Variants in AP1M1 observed in about 807,000 individuals in gnomAD.
AP1M1 encodes the protein AP-1 complex subunit mu-1.
A neutral mutation model predicts 57.1 loss-of-function variants in AP1M1; 18 were observed. The ratio of observed to expected loss-of-function variants is 0.32; its 90% CI spans 0.22 to 0.47. The LOEUF is 0.47. AP1M1 is among the 20% of genes least tolerant of loss of function. AP1M1 has a pLI of 1.00. For missense variants in AP1M1, 362 were observed against 593.5 expected, an observed-to-expected ratio of 0.61 and a Z score of 4.05; for synonymous variants, 241 against 237.9, an observed-to-expected ratio of 1.01 and a Z score of -0.12.
At position 16,208,983 on chromosome 19, in the gene AP1M1, G is replaced by A. The variant is rs45598933; in HGVS notation, c.399-47G>A. 3,901 of 1,582,484 alleles carry A rather than the reference G, an allele frequency of 2.5e-3. 11 individuals are homozygous for A. Among genetic ancestry groups the A allele is most frequent in the Non-Finnish European group, 2.9e-3 (3,345 of 1,159,084 alleles). On this transcript the variant is annotated intron_variant, in intron 4 of 11. Coordinates refer to ENST00000291439, the MANE Select transcript of AP1M1 (RefSeq NM_032493.4). ...AAATGTCAAGGCCAGAAGCTGTGGCGTTGGTGCGGGTACCACCTCCTTCAC... is the reference window on the plus strand; with the variant it reads ...AAATGTCAAGGCCAGAAGCTGTGGCATTGGTGCGGGTACCACCTCCTTCAC...
At position 16,240,601 on chromosome 19, in the gene AP1M1, C is replaced by G. The variant is rs1421295818; in HGVS notation, c.*6166C>G. On this transcript the variant is annotated 3_prime_UTR_variant, in exon 12 of 12. Coordinates refer to ENST00000291439, the MANE Select transcript of AP1M1 (RefSeq NM_032493.4). Reference sequence around the variant, plus strand: ...AGCAGCTGGGATTACAGGTGCACACCACCACGCCCGGCTAATTTTTGTATT... The same window carrying G: ...AGCAGCTGGGATTACAGGTGCACACGACCACGCCCGGCTAATTTTTGTATT... 6.6e-6 allele frequency: 1 copy of G among 152,030 alleles called. No individual in the cohort carries two copies. The highest frequency in any genetic ancestry group is 2.4e-5 in the African/African-American group (1 of 41,380). 9.4% of individuals were successfully genotyped at this position (152,030 alleles called of 1,614,324 possible).
intron 1 of AP1M1, among the ~76,000 whole-genome samples, chr19:16,199,062 C>T (rs1468401043): frequency 6.6e-6 from 1 of 152,174 alleles, no homozygotes; most frequent in Admixed American, 6.5e-5. Context: ...CCTGTCTTAG[C>T]CTCCCAAAGT....
rs374005098 is a variant in AP1M1, at chr19:16,206,418, G to A, written c.267+10G>A. 5.3e-5 allele frequency: 85 copies of A among 1,613,620 alleles called. No homozygotes were observed. Among genetic ancestry groups the A allele is most frequent in the Non-Finnish European group, 6.9e-5 (81 of 1,179,858 alleles). On this transcript the variant is annotated intron_variant, in intron 3 of 11. Transcript: ENST00000291439. This position sits in a 1 kb window ranked among gnomAD's most constrained non-coding sequence, Gnocchi z 4.3. ...CTATAAGGTGGTGCAGGTGAGTCTCGCTCGGAGGGGCCGTGGGCTTGGGTG... is the reference window on the plus strand; with the variant it reads ...CTATAAGGTGGTGCAGGTGAGTCTCACTCGGAGGGGCCGTGGGCTTGGGTG...
rs1177508603 is a variant in AP1M1 at position 16,236,145 on chromosome 19, T to C, written c.*1710T>C. 6.6e-6 allele frequency: 1 copy of C among 152,636 alleles called. No homozygotes were observed. Among genetic ancestry groups the C allele is most frequent in the Non-Finnish European group, 1.5e-5 (1 of 68,370 alleles). The allele number at this position is 152,636 out of a possible 1,614,324, so 9.5% of individuals were successfully genotyped here. On this transcript the variant is annotated 3_prime_UTR_variant, in exon 12 of 12. Transcript: ENST00000291439. ...TGGCCCCTCCAGAAAACCCTGGGGC[T>C]GACCCCATTTGCCATCCTCGCTGCC...
chr19:16,233,154 A>G (rs74359903), intron 9 of AP1M1, among the ~76,000 whole-genome samples: 2,088 of 152,280 alleles, frequency 0.014, 60 homozygotes, highest in African/African-American at 0.048. Context: ...CTAGTTCACC[A>G]GCCTTGGAGG....
intron 1 of AP1M1, among the ~76,000 whole-genome samples, chr19:16,202,514 C>T (rs1412665199): frequency 6.6e-6 from 1 of 152,236 alleles, no homozygotes; most frequent in East Asian, 1.9e-4. Flanking sequence ...CCTTTGCTGT[C>T]TAGCCCCATC....
chr19:16,229,210 T>C (rs999420629), intron 9 of AP1M1, among the ~76,000 whole-genome samples: 13 of 152,148 alleles, frequency 8.5e-5, no homozygotes, highest in Non-Finnish European at 1.9e-4. Flanking sequence ...GTGATGCCCC[T>C]GAGTACTGAT....
intron 5 of AP1M1, 151 bp from the exon 6 acceptor site, chr19:16,226,270 C>T (rs2091570797): frequency 1.7e-6 from 2 of 1,159,260 alleles, no homozygotes; most frequent in African/African-American, 1.5e-5. Context: ...ACAGCTGGGA[C>T]TCTCCCAGCT....
chr19:16,217,974 T>A (rs756288604), intron 5 of AP1M1, among the ~76,000 whole-genome samples: 1 of 152,198 alleles, frequency 6.6e-6, no homozygotes, highest in Non-Finnish European at 1.5e-5. Flanking sequence ...GTGTGCTATG[T>A]CAGTTTGCCA....
At chr19:16,214,345 CTG>C (rs1211258318) in intron 5 of AP1M1, among the ~76,000 whole-genome samples, 1 of 145,554 alleles carries the variant, frequency 6.9e-6, no homozygotes. Flanking sequence ...GCGTGAGCCA[CTG>C]CACCCGGCCT....
chr19:16,214,757 C>CT (rs1041030907), intron 5 of AP1M1, among the ~76,000 whole-genome samples: 5 of 150,194 alleles, frequency 3.3e-5, no homozygotes, highest in Admixed American at 6.6e-5. Flanking sequence ...TTTTATTCTT[C>CT]TTTTTTTTTG....
intron 1 of AP1M1, chr19:16,202,982 C>G (rs1467322948): frequency 5.6e-6 from 1 of 179,974 alleles, no homozygotes; most frequent in Admixed American, 5.4e-5. Context: ...TATATCCTGA[C>G]CCACAGGCTA....
At chr19:16,226,765 GC>G in intron 6 of AP1M1, 3 of 592,562 alleles carry the variant, frequency 5.1e-6, no homozygotes, top group Non-Finnish European at 8.2e-6. Context: ...CAGCTGGGAG[GC>G]CCCCGTCACC....
chr19:16,204,924 G>A (rs1307535102), intron 2 of AP1M1, among the ~76,000 whole-genome samples: 2 of 143,360 alleles, frequency 1.4e-5, no homozygotes, highest in African/African-American at 4.9e-5. Context: ...TCCGCCTCCC[G>A]GGTTCGCGCT....
At chr19:16,204,951 C>T (rs1446174543) in intron 2 of AP1M1, among the ~76,000 whole-genome samples, 1 of 98,108 alleles carries the variant, frequency 1.0e-5, no homozygotes, top group Non-Finnish European at 3.0e-5. Flanking sequence ...CTGCCTCAGC[C>T]TCCCGAGTAG....
rs898365999 is a variant in AP1M1 at position 16,242,709 on chromosome 19, T to C, written c.*8274T>C. The C allele has an allele frequency of 3.3e-5, 5 of 152,220 alleles. No homozygotes were observed. The highest frequency in any genetic ancestry group is 1.2e-4 in the African/African-American group (5 of 41,458). 9.4% of individuals were successfully genotyped at this position (152,220 alleles called of 1,614,324 possible). The stretch of plus-strand genomic sequence containing the variant: ...AAAAGATGCCAAAAGAAATCTCATA[T>C]GGTTATATTAATTCCAGACAGAATA... On this transcript the variant is annotated 3_prime_UTR_variant, in exon 12 of 12. Coordinates refer to ENST00000291439, the MANE Select transcript of AP1M1 (RefSeq NM_032493.4).
chr19:16,226,106 G>A (rs544523479), intron 5 of AP1M1, among the ~76,000 whole-genome samples: 2 of 150,430 alleles, frequency 1.3e-5, no homozygotes, highest in South Asian at 2.1e-4. Context: ...CTCCAGGCAC[G>A]CATCATCAGG....
intron 5 of AP1M1, among the ~76,000 whole-genome samples, chr19:16,218,316 C>T (rs148686621): frequency 2.0e-5 from 3 of 152,324 alleles, no homozygotes; most frequent in Non-Finnish European, 4.4e-5. Flanking sequence ...AGTTTTGGGG[C>T]TCGCCTGCCC....
rs1400637504 is a variant in AP1M1 at position 16,234,284 on chromosome 19, GCC to G, written c.1249+12_1249+13del. The G allele has an allele frequency of 1.1e-5, 17 of 1,613,294 alleles. No homozygotes were observed. The highest frequency in any genetic ancestry group is 1.4e-5 in the Non-Finnish European group (17 of 1,179,514). ...ATCACGCAGAATGGAGGTGAGTGAG[GCC>G]CTACCCGTGGGGTGGGGTTGTACTG... On this transcript the variant is annotated intron_variant, in intron 11 of 11. Transcript: ENST00000291439.
Sources: gnomAD v4.1 joint callset for allele counts (sites outside exome capture counted in the v4.1 genomes callset) on GRCh38, gnomAD v4.1.1 for gene constraint, Gnocchi (gnomAD v3.1) non-coding constraint, MANE v1.5 for transcripts, NCBI Gene and HGNC (gene_info 2026-07-23, HGNC 2026-07-21) for gene names.